Variants in EIF4E1B observed in about 807,000 individuals in gnomAD.
EIF4E1B encodes the protein eukaryotic translation initiation factor 4E family member 1B.
EIF4E1B carries 22 observed loss-of-function variants against 31.3 expected under a neutral mutation model. That is an observed-to-expected ratio of 0.70 (90% CI 0.50 to 1.00). EIF4E1B has a LOEUF of 1.00. Among genes scored for constraint, EIF4E1B ranks in the 50% least tolerant of loss-of-function variants. The probability of loss-of-function intolerance (pLI) is 0.00; values close to 1 mark genes in which losing one functional copy is unlikely to be tolerated. For synonymous variants in EIF4E1B, 126 were observed against 120.2 expected (o/e 1.05, Z -0.31); for missense variants, 290 against 311.6 (o/e 0.93, Z 0.52).
Position 176,638,859 on chromosome 5 carries a change from C to G in EIF4E1B, c.-201-3184C>G, listed in dbSNP as rs1239472695. Among the ~76,000 whole-genome samples, 1 of 152,204 alleles carries G rather than the reference C, an allele frequency of 6.6e-6. No individual in the cohort carries two copies. Among genetic ancestry groups the G allele is most frequent in the Non-Finnish European group, 1.5e-5 (1 of 68,044 alleles). On this transcript the variant is annotated intron_variant, in intron 1 of 8. Coordinates refer to ENST00000318682, the MANE Select transcript of EIF4E1B (RefSeq NM_001099408.2). This position sits in a 1 kb window ranked among gnomAD's most constrained non-coding sequence, Gnocchi z 4.3. ...GTGCGATCTCGGCTCACTGCAACCTCTACCTCCCCAATTCAAGTGATTCTC... is the reference window on the plus strand; with the variant it reads ...GTGCGATCTCGGCTCACTGCAACCTGTACCTCCCCAATTCAAGTGATTCTC...
Position 176,645,081 on chromosome 5 carries a change from A to G in EIF4E1B, c.361-49A>G. 1 of 1,500,464 alleles carries G rather than the reference A, an allele frequency of 6.7e-7. No homozygotes were observed. The highest frequency in any genetic ancestry group is 9.0e-7 in the Non-Finnish European group (1 of 1,105,624). The allele number at this position is 1,500,464 out of a possible 1,614,324, so 92.9% of individuals were successfully genotyped here. Reference sequence around the variant, plus strand: ...AGGCCGGGATGGTGGGTGGGTCCCCATTTCCCTTTGAACACAGGGAGGCAG... The same window carrying G: ...AGGCCGGGATGGTGGGTGGGTCCCCGTTTCCCTTTGAACACAGGGAGGCAG... On this transcript the variant is annotated intron_variant, in intron 6 of 8. Transcript: ENST00000318682. The surrounding 1 kb of genome is among the most constrained non-coding windows in gnomAD (Gnocchi z 5.4).
chr5:176,632,291 T>G (rs886629216), intron 1 of EIF4E1B, among the ~76,000 whole-genome samples: 10 of 152,222 alleles, frequency 6.6e-5, no homozygotes, highest in Non-Finnish European at 1.0e-4. Flanking sequence ...AGTCTCCCTC[T>G]GTCACCCAGG....
At chr5:176,631,244 G>A (rs2113432235) in intron 1 of EIF4E1B, among the ~76,000 whole-genome samples, 180 bp downstream of exon 1, 1 of 152,362 alleles carries the variant, frequency 6.6e-6, no homozygotes, top group Non-Finnish European at 1.5e-5. Flanking sequence ...AGGCTCCAAG[G>A]CAGGACTGTG....
At position 176,645,026 on chromosome 5, in the gene EIF4E1B, C is replaced by A; in HGVS notation, c.361-104C>A. ...GGGAAGGGAGGATAAGAGAATCTGG[C>A]CTACTTAGGGCCTCAGCAGAGAGCG... On this transcript the variant is annotated intron_variant, in intron 6 of 8. Coordinates refer to ENST00000318682, the MANE Select transcript of EIF4E1B (RefSeq NM_001099408.2). The surrounding 1 kb of genome is among the most constrained non-coding windows in gnomAD (Gnocchi z 5.4). 2 of 1,011,128 alleles carry A rather than the reference C, an allele frequency of 2.0e-6. No individual in the cohort carries two copies. The highest frequency in any genetic ancestry group is 2.9e-6 in the Non-Finnish European group (2 of 687,436). 62.6% of individuals were successfully genotyped at this position (1,011,128 alleles called of 1,614,324 possible). A position where few individuals can be genotyped will look rare whatever the true frequency, so the allele number is the denominator to read the frequency against.
rs1252080683 is a variant in EIF4E1B, at chr5:176,645,581, G to A, written c.614+65G>A. 1 of 1,470,730 alleles carries A rather than the reference G, an allele frequency of 6.8e-7. No homozygotes were observed. Among genetic ancestry groups the A allele is most frequent in the African/African-American group, 1.4e-5 (1 of 70,846 alleles). The allele number at this position is 1,470,730 out of a possible 1,614,324, so 91.1% of individuals were successfully genotyped here. ...CTGCTAGAGGGAAGGTGGGTGGAGG[G>A]GGCTTGGCCTGCATGGGAGACCTCT... On this transcript the variant is annotated intron_variant, in intron 8 of 8. Coordinates refer to ENST00000318682, the MANE Select transcript of EIF4E1B (RefSeq NM_001099408.2). The surrounding 1 kb of genome is among the most constrained non-coding windows in gnomAD (Gnocchi z 5.4).
Position 176,644,428 on chromosome 5 carries a change from G to A in EIF4E1B, c.349G>A (p.Ala117Thr), listed in dbSNP as rs1349208093. The A allele has an allele frequency of 1.9e-5, 30 of 1,594,436 alleles. No homozygotes were observed. The highest frequency in any genetic ancestry group is 2.4e-5 in the Non-Finnish European group (28 of 1,170,744). The change falls in exon 6 of 9, where the codon GCC (alanine) becomes ACC (threonine). Residue 117 changes from alanine (A) to threonine (T), a missense_variant. Coordinates refer to ENST00000318682, the MANE Select transcript of EIF4E1B (RefSeq NM_001099408.2). ...CAAGCTCTCCTCTGGCTGTGACTAC[G>A]CCCTCTTCAAGGTAAGCTCTGCTCT... ...ASKLSSGCDY[A>T]LFKDGIQPMW... is the part of the protein sequence containing the mutation.
At position 176,642,136 on chromosome 5, in the gene EIF4E1B, C is replaced by A; in HGVS notation, c.-108C>A. ...GCTGTGTGGCTGCAGCCCTGACCCT[C>A]ACCATCCAGGTCAGGCAGAGAACAC... On this transcript the variant is annotated 5_prime_UTR_variant, in exon 2 of 9. Transcript: ENST00000318682. 1 of 152,884 alleles carries A rather than the reference C, an allele frequency of 6.5e-6. No homozygotes were observed. Among genetic ancestry groups the A allele is most frequent in the Middle Eastern group, 3.4e-3 (1 of 298 alleles). 9.5% of individuals were successfully genotyped at this position (152,884 alleles called of 1,614,324 possible).
chr5:176,642,735 T>C lies in EIF4E1B; in HGVS notation c.-53T>C. 1.9e-6 allele frequency: 3 copies of C among 1,553,798 alleles called. No individual in the cohort carries two copies. The highest frequency in any genetic ancestry group is 2.6e-6 in the Non-Finnish European group (3 of 1,148,564). ...GTCTTGGCCCCCATGGTGTGGGGCT[T>C]GGTCACAGCTGCTTCCCCAGCCCCA... On this transcript the variant is annotated 5_prime_UTR_variant, in exon 3 of 9. Coordinates refer to ENST00000318682, the MANE Select transcript of EIF4E1B (RefSeq NM_001099408.2).
chr5:176,639,425 G>T (rs1454890200), intron 1 of EIF4E1B, among the ~76,000 whole-genome samples: 1 of 152,138 alleles, frequency 6.6e-6, no homozygotes, highest in Non-Finnish European at 1.5e-5. Flanking sequence ...GCGCCAGGGG[G>T]GTTGCTCTTA....
intron 6 of EIF4E1B, 132 bp from the exon 7 acceptor site, chr5:176,644,998 T>C (rs1427083760): frequency 2.3e-5 from 18 of 768,104 alleles, no homozygotes; most frequent in Admixed American, 8.0e-5. Flanking sequence ...CTGCTTGCAC[T>C]GAGGGAAGGG....
intron 1 of EIF4E1B, among the ~76,000 whole-genome samples, chr5:176,635,667 A>T (rs1405260288): frequency 6.6e-6 from 1 of 152,292 alleles, no homozygotes; most frequent in Middle Eastern, 3.4e-3. Context: ...CCAGACTCCT[A>T]CCTTTCTGAT....
In EIF4E1B at chr5:176,645,390, TC is replaced by T; in HGVS notation, c.489del (p.Ile163MetfsTer73). 1 of 1,529,944 alleles carries T rather than the reference TC, an allele frequency of 6.5e-7. No homozygotes were observed. The highest frequency in any genetic ancestry group is 8.8e-7 in the Non-Finnish European group (1 of 1,136,272). The allele number at this position is 1,529,944 out of a possible 1,614,324, so 94.8% of individuals were successfully genotyped here. On this transcript the variant is annotated frameshift_variant, in exon 8 of 9. Transcript: ENST00000318682. LOFTEE classifies it high-confidence loss of function. The surrounding 1 kb of genome is among the most constrained non-coding windows in gnomAD (Gnocchi z 5.4). ...CTTCGGGTCCAGCTGCTGTGTCTGA[TC>T]GGGGAGAGCTTTGAGGAACACAGCA... ...RLWLETLLCL[I>X]GESFEEHSRE...
chr5:176,645,237 GGAGACGGT>G lies in EIF4E1B; in HGVS notation c.472_474+5del, dbSNP rs1561911509. On this transcript the variant is annotated splice_donor_variant and coding_sequence_variant, in exon 7 of 9. Coordinates refer to ENST00000318682, the MANE Select transcript of EIF4E1B (RefSeq NM_001099408.2). LOFTEE classifies it high-confidence loss of function. This position sits in a 1 kb window ranked among gnomAD's most constrained non-coding sequence, Gnocchi z 5.4. ...ACATTGAGCTGGACCGGCTGTGGCT[GGAGACGGT>G]GAGTTGGAGGAGGAGGGTCCTCAGG... 1 of 1,597,314 alleles carries G rather than the reference GGAGACGGT, an allele frequency of 6.3e-7. No homozygotes were observed. Among genetic ancestry groups the G allele is most frequent in the Admixed American group, 1.8e-5 (1 of 56,696 alleles).
Position 176,638,703 on chromosome 5 carries a change from T to C in EIF4E1B, c.-201-3340T>C, listed in dbSNP as rs1382295094. On this transcript the variant is annotated intron_variant, in intron 1 of 8. Transcript: ENST00000318682. The surrounding 1 kb of genome is among the most constrained non-coding windows in gnomAD (Gnocchi z 4.3). ...TGTGCTCAGGGCATGGGAGGCTGGA[T>C]CGCCTAAGAACCTTGCAAGCCCAGG... 6.6e-6 allele frequency among the ~76,000 whole-genome samples: 1 copy of C among 152,222 alleles called. No homozygotes were observed. The highest frequency in any genetic ancestry group is 1.5e-5 in the Non-Finnish European group (1 of 68,036).
At chr5:176,632,588 A>G (rs76350837) in intron 1 of EIF4E1B, among the ~76,000 whole-genome samples, 1 of 152,340 alleles carries the variant, frequency 6.6e-6, no homozygotes, top group African/African-American at 2.4e-5. Context: ...GAAAACTGTT[A>G]AAGGGAGTTG....
At chr5:176,633,998 G>A (rs1351072196) in intron 1 of EIF4E1B, among the ~76,000 whole-genome samples, 3 of 152,208 alleles carry the variant, frequency 2.0e-5, no homozygotes, top group African/African-American at 7.2e-5. Flanking sequence ...GGGCTGGAAG[G>A]AGAGACGTGA....
In EIF4E1B at chr5:176,645,062, G is replaced by A; in HGVS notation, c.361-68G>A. 7.8e-6 allele frequency: 11 copies of A among 1,403,192 alleles called. No homozygotes were observed. Among genetic ancestry groups the A allele is most frequent in the African/African-American group, 1.4e-5 (1 of 70,502 alleles). 86.9% of individuals were successfully genotyped at this position (1,403,192 alleles called of 1,614,324 possible). On this transcript the variant is annotated intron_variant, in intron 6 of 8. Coordinates refer to ENST00000318682, the MANE Select transcript of EIF4E1B (RefSeq NM_001099408.2). The surrounding 1 kb of genome is among the most constrained non-coding windows in gnomAD (Gnocchi z 5.4). ...CCTCAGCAGAGAGCGGATAAGGCCG[G>A]GATGGTGGGTGGGTCCCCATTTCCC...
chr5:176,645,684 C>CT lies in EIF4E1B; in HGVS notation c.614+170dup. ...CTGGCGTTCAGATTTCTAACTTTCT[C>CT]TTACGGCAGTGCAGCTCTCCTTTTG... On this transcript the variant is annotated intron_variant, in intron 8 of 8. Transcript: ENST00000318682. This position sits in a 1 kb window ranked among gnomAD's most constrained non-coding sequence, Gnocchi z 5.4. The CT allele has an allele frequency of 2.9e-5, 34 of 1,188,826 alleles. No homozygotes were observed. The highest frequency in any genetic ancestry group is 3.7e-5 in the Non-Finnish European group (32 of 869,182). 73.6% of individuals were successfully genotyped at this position (1,188,826 alleles called of 1,614,324 possible).
chr5:176,638,764 G>GGTTTGTTT lies in EIF4E1B; in HGVS notation c.-201-3258_-201-3251dup, dbSNP rs61081946. Among the ~76,000 whole-genome samples, 40 of 152,014 alleles carry GGTTTGTTT rather than the reference G, an allele frequency of 2.6e-4. No homozygotes were observed. The highest frequency in any genetic ancestry group is 9.2e-4 in the African/African-American group (38 of 41,332). On this transcript the variant is annotated intron_variant, in intron 1 of 8. Transcript: ENST00000318682. This position sits in a 1 kb window ranked among gnomAD's most constrained non-coding sequence, Gnocchi z 4.3. ...TGGATCACATCCTGGGTGTCCTGGA[G>GGTTTGTTT]GTTTGTTTGTTTGTTTGTTTGTTTG...
Sources: allele counts gnomAD v4.1 joint callset (sites outside exome capture counted in the v4.1 genomes callset), GRCh38; gene constraint gnomAD v4.1.1; non-coding constraint Gnocchi (gnomAD v3.1); transcripts MANE v1.5; gene names NCBI Gene and HGNC (gene_info 2026-07-23, HGNC 2026-07-21).